RPH3AL: variants seen among roughly 807,000 people sequenced by gnomAD.
The protein encoded by RPH3AL is rab effector Noc2.
In RPH3AL, 38 loss-of-function variants were observed where a neutral mutation model predicts 43.1. The ratio of observed to expected loss-of-function variants is 0.88; its 90% CI spans 0.68 to 1.15. The LOEUF is 1.15. Ranked by LOEUF, RPH3AL falls within the 50% of genes most tolerant of loss-of-function variation. RPH3AL has a pLI of 0.00. For synonymous variants in RPH3AL, 189 were observed against 176.3 expected (o/e 1.07, Z -0.57); for missense variants, 462 against 423.2 (o/e 1.09, Z -0.81).
chr17:264,979 A>G lies in RPH3AL; in HGVS notation c.438+16789T>C, dbSNP rs2151578025. Among the ~76,000 whole-genome samples the G allele has an allele frequency of 6.6e-6, 1 of 152,364 alleles. No individual in the cohort carries two copies. Among genetic ancestry groups the G allele is most frequent in the Admixed American group, 6.5e-5 (1 of 15,310 alleles). ...AAAGTAGATATAAAAGAATCAGTTA[A>G]CAAAACAAATCTGACCCAAAATTCC... On this transcript the variant is annotated intron_variant, in intron 6 of 9. Coordinates refer to ENST00000331302, the MANE Select transcript of RPH3AL (RefSeq NM_006987.4). The surrounding 1 kb of genome is among the most constrained non-coding windows in gnomAD (Gnocchi z 4.8).
At chr17:313,203 A>G (rs2043686817) in intron 5 of RPH3AL, among the ~76,000 whole-genome samples, 1 of 152,086 alleles carries the variant, frequency 6.6e-6, no homozygotes, top group Non-Finnish European at 1.5e-5. Context: ...CTCAGTCCCT[A>G]CGTTGCCTGT....
At chr17:307,519 C>G (rs1292125814) in intron 5 of RPH3AL, among the ~76,000 whole-genome samples, 1 of 152,222 alleles carries the variant, frequency 6.6e-6, no homozygotes, top group Non-Finnish European at 1.5e-5. Context: ...ATAGCTGACA[C>G]CAACTATGAG....
intron 5 of RPH3AL, among the ~76,000 whole-genome samples, chr17:302,252 T>C (rs188221576): frequency 3.3e-4 from 50 of 152,226 alleles, no homozygotes; most frequent in Non-Finnish European, 6.5e-4. Flanking sequence ...AGCCTTTGCC[T>C]GTCACTGGAA....
intron 6 of RPH3AL, among the ~76,000 whole-genome samples, chr17:258,508 G>T (rs544602724): frequency 7.9e-5 from 12 of 152,140 alleles, no homozygotes; most frequent in African/African-American, 2.9e-4. Flanking sequence ...GGAGGAAAGC[G>T]CAGTGAGCCT....
chr17:258,498 G>A (rs1555545207), intron 6 of RPH3AL, among the ~76,000 whole-genome samples: 2 of 152,116 alleles, frequency 1.3e-5, no homozygotes, highest in African/African-American at 4.8e-5. Context: ...GTGCTGGTGG[G>A]GAGGAAAGCG....
At chr17:313,686 G>T (rs1336258291) in intron 5 of RPH3AL, among the ~76,000 whole-genome samples, 1 of 152,202 alleles carries the variant, frequency 6.6e-6, no homozygotes. Flanking sequence ...ACCCTGGAAA[G>T]TCATCTCCAC....
intron 5 of RPH3AL, among the ~76,000 whole-genome samples, chr17:302,356 G>T (rs2043350062): frequency 6.6e-6 from 1 of 152,218 alleles, no homozygotes; most frequent in Non-Finnish European, 1.5e-5. Flanking sequence ...AGGCCAGGCA[G>T]GTCCACGGAG....
In RPH3AL at chr17:245,249, ATG is replaced by A. The variant is rs1391564566; in HGVS notation, c.613+1860_613+1861del. Among the ~76,000 whole-genome samples the A allele has an allele frequency of 1.7e-5, 2 of 117,544 alleles. No homozygotes were observed. Among genetic ancestry groups the A allele is most frequent in the Non-Finnish European group, 3.6e-5 (2 of 55,580 alleles). 77.1% of individuals were successfully genotyped at this position (117,544 alleles called of 152,430 possible). On this transcript the variant is annotated intron_variant, in intron 7 of 9. Transcript: ENST00000331302. This position sits in a 1 kb window ranked among gnomAD's most constrained non-coding sequence, Gnocchi z 5.9. ...TGTGTGTGTGCGTGTGGATGAGAGC[ATG>A]TGTGTGTGCACGTGGATGTCAGTGT... is the stretch of plus-strand genomic sequence containing the variant.
rs554155795 is a variant in RPH3AL, at chr17:345,284, GCAAA to G, written c.-213+7424_-213+7427del. 1.1e-4 allele frequency among the ~76,000 whole-genome samples: 15 copies of G among 135,086 alleles called. 1 individual carries two copies. The highest frequency in any genetic ancestry group is 7.8e-4 in the Admixed American group (11 of 14,076). 88.6% of individuals were successfully genotyped at this position (135,086 alleles called of 152,430 possible). A position where few individuals can be genotyped will look rare whatever the true frequency, so the allele number is the denominator to read the frequency against. ...TACAGAGTGAGACCCTGTCTCAAAG[GCAAA>G]CAAACAAACAGAACACCCTAAATCC... On this transcript the variant is annotated intron_variant, in intron 1 of 9. Coordinates refer to ENST00000331302, the MANE Select transcript of RPH3AL (RefSeq NM_006987.4).
At chr17:343,804 C>T (rs66459911) in intron 1 of RPH3AL, among the ~76,000 whole-genome samples, 39,024 of 151,970 alleles carry the variant, frequency 0.26, 5,499 homozygotes, top group Non-Finnish European at 0.32. Flanking sequence ...CAGAGTTATC[C>T]AGCCTAAACG....
chr17:230,196 T>A (rs776316608), intron 7 of RPH3AL, among the ~76,000 whole-genome samples: 6 of 152,300 alleles, frequency 3.9e-5, no homozygotes, highest in East Asian at 1.9e-4. Context: ...CTTATTCATT[T>A]ACCATCGATT....
At chr17:350,776 G>A (rs1290160357) in intron 1 of RPH3AL, among the ~76,000 whole-genome samples, 1 of 152,168 alleles carries the variant, frequency 6.6e-6, no homozygotes, top group Non-Finnish European at 1.5e-5. Flanking sequence ...CCCTCTGACC[G>A]CAGGCCCTGA....
intron 5 of RPH3AL, among the ~76,000 whole-genome samples, chr17:315,992 C>T (rs62054974): frequency 1.2e-3 from 163 of 135,506 alleles, no homozygotes; most frequent in African/African-American, 4.6e-3. Context: ...GTCCCTGTGC[C>T]CCACCTCCAT....
At chr17:315,637 G>A (rs2044020406) in intron 5 of RPH3AL, among the ~76,000 whole-genome samples, 1 of 147,764 alleles carries the variant, frequency 6.8e-6, no homozygotes, top group African/African-American at 2.6e-5. Flanking sequence ...CACCTCCACT[G>A]ACCTGTAGTC....
intron 5 of RPH3AL, among the ~76,000 whole-genome samples, chr17:304,616 C>T (rs886664190): frequency 5.3e-5 from 8 of 152,150 alleles, no homozygotes; most frequent in East Asian, 3.9e-4. Context: ...TAGGCTGTCA[C>T]GACGATTCCA....
At chr17:224,112 C>T (rs761134768) in intron 7 of RPH3AL, among the ~76,000 whole-genome samples, 2 of 152,246 alleles carry the variant, frequency 1.3e-5, no homozygotes, top group Admixed American at 6.5e-5. Context: ...TGCCTTAACT[C>T]GAGGTGTCAG....
intron 6 of RPH3AL, among the ~76,000 whole-genome samples, chr17:265,180 A>C (rs1437648108): frequency 1.3e-5 from 2 of 152,194 alleles, no homozygotes; most frequent in Non-Finnish European, 2.9e-5. Flanking sequence ...TCCACCTCCG[A>C]GGCTCAATCG....
chr17:348,093 TAA>T (rs71145709), intron 1 of RPH3AL, among the ~76,000 whole-genome samples: 11,130 of 142,316 alleles, frequency 0.078, 512 homozygotes, highest in South Asian at 0.17. Context: ...AAGGAGCAGT[TAA>T]AAAAAAAAAA....
chr17:308,273 G>A (rs929212751), intron 5 of RPH3AL, among the ~76,000 whole-genome samples: 5 of 152,220 alleles, frequency 3.3e-5, no homozygotes, highest in East Asian at 3.8e-4. Context: ...GGACAGGGCC[G>A]TGGAGGACTT....
Sources: allele counts gnomAD v4.1 joint callset (sites outside exome capture counted in the v4.1 genomes callset), GRCh38; gene constraint gnomAD v4.1.1; non-coding constraint Gnocchi (gnomAD v3.1); transcripts MANE v1.5; gene names NCBI Gene and HGNC (gene_info 2026-07-23, HGNC 2026-07-21).